MYO18B: variants seen among roughly 807,000 people sequenced by gnomAD.
MYO18B encodes myosin XVIIIB.
Under a neutral mutation model 273.0 loss-of-function variants are expected in MYO18B, and 204 were observed. That is an observed-to-expected ratio of 0.75 (90% CI 0.67 to 0.84). MYO18B has a LOEUF of 0.84. Among genes scored for constraint, MYO18B ranks in the 40% least tolerant of loss-of-function variants. The pLI is 0.00. For synonymous variants in MYO18B, 1,330 were observed against 1,305.7 expected (o/e 1.02, Z -0.40); for missense variants, 3,212 against 3,287.6 (o/e 0.98, Z 0.56).
intron 22 of MYO18B, among the ~76,000 whole-genome samples, chr22:25,871,548 G>A (rs1026492261): frequency 6.6e-6 from 1 of 152,156 alleles, no homozygotes; most frequent in African/African-American, 2.4e-5. Flanking sequence ...AGGAAAAACA[G>A]TTTGCGTGGT....
At chr22:25,764,458 TG>T (rs1321971439) in intron 3 of MYO18B, among the ~76,000 whole-genome samples, 2 of 152,220 alleles carry the variant, frequency 1.3e-5, no homozygotes, top group Non-Finnish European at 2.9e-5. Flanking sequence ...CTGAGAGGTC[TG>T]GTGGCCTCAG....
intron 21 of MYO18B, among the ~76,000 whole-genome samples, chr22:25,854,213 A>G (rs2090504087): frequency 6.6e-6 from 1 of 152,156 alleles, no homozygotes; most frequent in South Asian, 2.1e-4. Context: ...CCAATGAAGT[A>G]CTCTCATTTG....
intron 11 of MYO18B, among the ~76,000 whole-genome samples, chr22:25,796,210 A>G (rs992940749): frequency 2.3e-4 from 28 of 122,272 alleles, no homozygotes; most frequent in Non-Finnish European, 1.3e-4. Context: ...TCAATCAAAC[A>G]TAATTGGAAT....
chr22:25,920,355 T>C (rs2092322696), intron 33 of MYO18B, among the ~76,000 whole-genome samples: 1 of 152,236 alleles, frequency 6.6e-6, no homozygotes, highest in African/African-American at 2.4e-5. Context: ...GCACTATTTC[T>C]AGAGAGGTGA....
At chr22:25,761,302 C>T (rs2086305837) in intron 2 of MYO18B, among the ~76,000 whole-genome samples, 171 bp downstream of exon 2, 1 of 151,874 alleles carries the variant, frequency 6.6e-6, no homozygotes, top group South Asian at 2.1e-4. Context: ...TAGCCTTGGC[C>T]TTTCCAACCC....
In MYO18B at chr22:25,866,571, T is replaced by C. The variant is rs556801234; in HGVS notation, c.3886-1749T>C. On this transcript the variant is annotated intron_variant, in intron 21 of 43. Coordinates refer to ENST00000335473, the MANE Select transcript of MYO18B (RefSeq NM_032608.7). ...GAACAGTACTATAGGCTGGGCACAG[T>C]GGCTCACACCTGTAATCCCAGCACT... Among the ~76,000 whole-genome samples the C allele has an allele frequency of 2.6e-5, 4 of 152,208 alleles. No homozygotes were observed. The East Asian group carries it at 7.7e-4, about 29-fold the overall frequency.
At chr22:26,006,853 T>A (rs1243815750) in intron 42 of MYO18B, among the ~76,000 whole-genome samples, 1 of 152,164 alleles carries the variant, frequency 6.6e-6, no homozygotes, top group Non-Finnish European at 1.5e-5. Context: ...CAGTAACTAT[T>A]TGATGCCCGG....
chr22:25,902,055 C>A (rs999945389), intron 29 of MYO18B, among the ~76,000 whole-genome samples: 1 of 152,020 alleles, frequency 6.6e-6, no homozygotes, highest in African/African-American at 2.4e-5. Context: ...CCAGGCTGGT[C>A]TTTAACTCCT....
At chr22:26,008,128 T>C (rs1934585060) in intron 42 of MYO18B, among the ~76,000 whole-genome samples, 2 of 152,244 alleles carry the variant, frequency 1.3e-5, no homozygotes, top group African/African-American at 4.8e-5. Context: ...CTTACCAGTA[T>C]GCATAAGTTC....
At chr22:25,949,132 C>A (rs191335366) in intron 36 of MYO18B, among the ~76,000 whole-genome samples, 4 of 152,208 alleles carry the variant, frequency 2.6e-5, no homozygotes, top group East Asian at 3.9e-4. Flanking sequence ...AATTGGCAAG[C>A]TTTTCAGGGG....
In MYO18B at chr22:25,921,257, AT is replaced by A. The variant is rs1569191921; in HGVS notation, c.5367del (p.Ile1789MetfsTer63). The A allele has an allele frequency of 6.4e-7, 1 of 1,550,570 alleles. No homozygotes were observed. The highest frequency in any genetic ancestry group is 8.7e-7 in the Non-Finnish European group (1 of 1,145,728). ...TCATGGGTCTCCCTTTGGCTTTCAGATTGGCCATCGGGACTTTGATGTGGAG... is the reference window on the plus strand; with the variant it reads ...TCATGGGTCTCCCTTTGGCTTTCAGATGGCCATCGGGACTTTGATGTGGAG... ...EGLIGTLCDQIGHRDFDVEKR... is the reference protein window; with the variant it reads ...EGLIGTLCDQXGHRDFDVEKR... On this transcript the variant is annotated frameshift_variant and splice_region_variant, in exon 34 of 44. Coordinates refer to ENST00000335473, the MANE Select transcript of MYO18B (RefSeq NM_032608.7). LOFTEE classifies it high-confidence loss of function.
chr22:25,759,523 G>A (rs567041898), intron 1 of MYO18B, among the ~76,000 whole-genome samples: 2 of 152,116 alleles, frequency 1.3e-5, no homozygotes, highest in South Asian at 4.2e-4. Flanking sequence ...CTGTCGAGGG[G>A]TGGGGGACTA....
the MYO18B span, among the ~76,000 whole-genome samples, chr22:26,053,876 C>A: frequency 6.6e-6 from 1 of 152,096 alleles, no homozygotes; most frequent in African/African-American, 2.4e-5. Context: ...TGTGAGAAAT[C>A]TTTGATGGGT....
the MYO18B span, among the ~76,000 whole-genome samples, chr22:26,042,017 G>A: frequency 5.9e-5 from 9 of 152,286 alleles, no homozygotes; most frequent in Admixed American, 5.2e-4. Context: ...CTGTCATCAC[G>A]GCTCCACCCT....
intron 21 of MYO18B, among the ~76,000 whole-genome samples, chr22:25,864,899 G>T (rs147351649): frequency 6.6e-6 from 1 of 152,316 alleles, no homozygotes; most frequent in Non-Finnish European, 1.5e-5. Context: ...ACATGGAAGA[G>T]GTGATTCCAT....
At position 25,947,735 on chromosome 22, in the gene MYO18B, G is replaced by T; in HGVS notation, c.5655G>T (p.Leu1885=). 6.2e-7 allele frequency: 1 copy of T among 1,613,626 alleles called. No homozygotes were observed. The highest frequency in any genetic ancestry group is 8.5e-7 in the Non-Finnish European group (1 of 1,179,836). ...KSLVDEQLYR[L]QFEKADLLKR... ...AGGTGGATGAGCAGCTGTACAGGCT[G>T]CAGTTTGAGAAGGCGGACCTCCTGA... is the stretch of plus-strand genomic sequence containing the variant. Residue 1885 remains leucine (L), a synonymous_variant, in exon 36 of 44, where the codon CTG becomes CTT. Coordinates refer to ENST00000335473, the MANE Select transcript of MYO18B (RefSeq NM_032608.7).
At position 25,841,349 on chromosome 22, in the gene MYO18B, G is replaced by A. The variant is rs546568298; in HGVS notation, c.3209-2386G>A. On this transcript the variant is annotated intron_variant, in intron 17 of 43. Transcript: ENST00000335473. Reference sequence around the variant, plus strand: ...GAAAGCCAAAGACTTCATGGGAAATGCTTTCATGGACAAAATTGTGGAATA... The same window carrying A: ...GAAAGCCAAAGACTTCATGGGAAATACTTTCATGGACAAAATTGTGGAATA... Among the ~76,000 whole-genome samples, 147 of 152,326 alleles carry A rather than the reference G, an allele frequency of 9.7e-4. 1 individual carries two copies. The highest frequency in any genetic ancestry group is 3.1e-3 in the Admixed American group (47 of 15,304).
chr22:25,784,826 G>A (rs1173043208), intron 10 of MYO18B, among the ~76,000 whole-genome samples: 1 of 152,180 alleles, frequency 6.6e-6, no homozygotes, highest in Non-Finnish European at 1.5e-5. Context: ...GGTTGAACAC[G>A]GGAAGGAGCC....
chr22:25,882,841 C>T (rs2091382775), intron 25 of MYO18B, among the ~76,000 whole-genome samples: 1 of 152,128 alleles, frequency 6.6e-6, no homozygotes, highest in Admixed American at 6.6e-5. Flanking sequence ...AACTACCACC[C>T]AAATAGTGTG....
Sources: allele counts gnomAD v4.1 joint callset (sites outside exome capture counted in the v4.1 genomes callset), GRCh38; gene constraint gnomAD v4.1.1; transcripts MANE v1.5; gene names NCBI Gene and HGNC (gene_info 2026-07-23, HGNC 2026-07-21).